Variants in FYN observed in about 807,000 individuals in gnomAD.
FYN encodes tyrosine-protein kinase Fyn.
A neutral mutation model predicts 70.2 loss-of-function variants in FYN; 10 were observed. The ratio of observed to expected loss-of-function variants is 0.14; its 90% CI spans 0.09 to 0.24. The LOEUF (loss-of-function observed/expected upper bound fraction) is 0.24. Ranked by LOEUF, FYN falls within the 10% of genes least tolerant of loss-of-function variation. FYN has a pLI of 1.00. For synonymous variants in FYN, 236 were observed against 248.6 expected (o/e 0.95, Z 0.48); for missense variants, 319 against 673.1 (o/e 0.47, Z 5.82).
chr6:111,800,309 A>C (rs1771943633), intron 2 of FYN, among the ~76,000 whole-genome samples: 1 of 152,208 alleles, frequency 6.6e-6, no homozygotes, highest in African/African-American at 2.4e-5. Flanking sequence ...GGTACCCCAG[A>C]AGAGCTGAAA....
At chr6:111,868,467 GTTTAA>G (rs1428332286) in intron 1 of FYN, among the ~76,000 whole-genome samples, 2 of 152,078 alleles carry the variant, frequency 1.3e-5, no homozygotes, top group Admixed American at 6.5e-5. Flanking sequence ...CTTTACCATT[GTTTAA>G]TTTAATTTTG....
intron 4 of FYN, among the ~76,000 whole-genome samples, chr6:111,717,840 T>C (rs148040161): frequency 7.8e-4 from 119 of 152,354 alleles, no homozygotes; most frequent in Admixed American, 2.1e-3. Context: ...ATGGCACTAT[T>C]CAAGGACCAC....
chr6:111,835,407 TC>T (rs1232270349), intron 2 of FYN, among the ~76,000 whole-genome samples: 1 of 152,264 alleles, frequency 6.6e-6, no homozygotes, highest in Non-Finnish European at 1.5e-5. Flanking sequence ...GGAATAATGC[TC>T]AAAATCCTAA....
At chr6:111,681,520 C>T (rs2128418157) in intron 12 of FYN, among the ~76,000 whole-genome samples, 1 of 152,282 alleles carries the variant, frequency 6.6e-6, no homozygotes, top group Admixed American at 6.5e-5. Context: ...TTACTATAAC[C>T]TGTGTCCTGC....
At chr6:111,695,325 G>C (rs1444388160) in intron 10 of FYN, among the ~76,000 whole-genome samples, 1 of 152,184 alleles carries the variant, frequency 6.6e-6, no homozygotes, top group African/African-American at 2.4e-5. Flanking sequence ...TGAAGAATAT[G>C]GGTGGGGCAG....
intron 2 of FYN, among the ~76,000 whole-genome samples, chr6:111,831,437 G>T (rs764154098): frequency 1.1e-4 from 16 of 152,034 alleles, no homozygotes; most frequent in Non-Finnish European, 1.8e-4. Flanking sequence ...GCAAGTATAG[G>T]TTCCTCACAA....
chr6:111,868,170 T>C (rs562049650), intron 1 of FYN, among the ~76,000 whole-genome samples: 1 of 152,128 alleles, frequency 6.6e-6, no homozygotes, highest in East Asian at 1.9e-4. Flanking sequence ...CTCTCTGCCA[T>C]CCTACATGGA....
chr6:111,853,824 G>T (rs1374488690), intron 1 of FYN, among the ~76,000 whole-genome samples: 1 of 152,068 alleles, frequency 6.6e-6, no homozygotes, highest in Non-Finnish European at 1.5e-5. Flanking sequence ...TCACTGTGTT[G>T]CCCAGGCTGG....
At chr6:111,837,847 T>G (rs1252113944) in intron 2 of FYN, among the ~76,000 whole-genome samples, 1 of 152,192 alleles carries the variant, frequency 6.6e-6, no homozygotes, top group Non-Finnish European at 1.5e-5. Flanking sequence ...CCATCTCACT[T>G]TCTCATGGCA....
At chr6:111,733,499 C>T (rs534867525) in intron 3 of FYN, among the ~76,000 whole-genome samples, 2 of 152,356 alleles carry the variant, frequency 1.3e-5, no homozygotes, top group Admixed American at 1.3e-4. Flanking sequence ...GGAATTAAGT[C>T]TTCTGTTTTA....
chr6:111,714,306 C>T, intron 5 of FYN, 41 bp downstream of exon 5: 1 of 1,376,440 alleles, frequency 7.3e-7, no homozygotes, highest in South Asian at 1.2e-5. Flanking sequence ...CCCTTCCCAA[C>T]CTGAAAGGTA....
intron 5 of FYN, chr6:111,709,184 G>T (rs1263113733): frequency 6.8e-6 from 1 of 146,820 alleles, no homozygotes; most frequent in Non-Finnish European, 1.5e-5. Context: ...AAAACTTCAG[G>T]CATTTTAAAA....
intron 3 of FYN, chr6:111,754,623 T>A (rs1802633960): frequency 6.6e-6 from 1 of 152,224 alleles, no homozygotes; most frequent in Non-Finnish European, 1.5e-5. Flanking sequence ...GATCCTGGTG[T>A]ACATGCTTAT....
At chr6:111,760,174 T>C (rs924379015) in intron 3 of FYN, among the ~76,000 whole-genome samples, 3 of 151,932 alleles carry the variant, frequency 2.0e-5, no homozygotes, top group Non-Finnish European at 4.4e-5. Flanking sequence ...TTTTGCAAGC[T>C]CCTGCAACCA....
At chr6:111,815,144 A>T (rs1487778415) in intron 2 of FYN, among the ~76,000 whole-genome samples, 1 of 152,162 alleles carries the variant, frequency 6.6e-6, no homozygotes, top group Non-Finnish European at 1.5e-5. Context: ...TGAGAGCTGG[A>T]GAGCTGAGAA....
At chr6:111,823,010 G>A (rs963154198) in intron 2 of FYN, among the ~76,000 whole-genome samples, 6 of 152,238 alleles carry the variant, frequency 3.9e-5, no homozygotes, top group African/African-American at 1.4e-4. Flanking sequence ...AGCAGTAGGT[G>A]CACATCACAT....
At chr6:111,709,285 C>T (rs1800256073) in intron 5 of FYN, among the ~76,000 whole-genome samples, 1 of 152,114 alleles carries the variant, frequency 6.6e-6, no homozygotes, top group African/African-American at 2.4e-5. Context: ...TAAAGATGCT[C>T]CCCAGACAGA....
At chr6:111,868,100 T>C (rs573202783) in intron 1 of FYN, among the ~76,000 whole-genome samples, 5 of 151,936 alleles carry the variant, frequency 3.3e-5, no homozygotes, top group Admixed American at 2.6e-4. Flanking sequence ...CTTCCAGCCT[T>C]CTCTGCTTGG....
At chr6:111,856,011 G>A (rs774445574) in intron 1 of FYN, among the ~76,000 whole-genome samples, 10 of 152,028 alleles carry the variant, frequency 6.6e-5, no homozygotes, top group Middle Eastern at 3.2e-3. Context: ...TTTATATTCC[G>A]TACCAGAATG....
Sources: allele counts gnomAD v4.1 joint callset (sites outside exome capture counted in the v4.1 genomes callset), GRCh38; gene constraint gnomAD v4.1.1; transcripts MANE v1.5; gene names NCBI Gene and HGNC (gene_info 2026-07-23, HGNC 2026-07-21).